The following CEP112 variants were observed in gnomAD, a reference collection of about 807,000 sequenced individuals.
CEP112 encodes the protein centrosomal protein 112.
In CEP112, 127 loss-of-function variants were observed where a neutral mutation model predicts 153.0. The observed-to-expected ratio is 0.83, with a 90% CI of 0.72 to 0.96. CEP112 has a LOEUF of 0.96. CEP112 is among the 40% of genes least tolerant of loss of function. The pLI is 0.00. For missense variants in CEP112, 1,089 were observed against 1,101.2 expected (o/e 0.99, Z 0.16); for synonymous variants, 358 against 374.4 (o/e 0.96, Z 0.51).
intron 24 of CEP112, among the ~76,000 whole-genome samples, chr17:65,658,753 G>C (rs569843690): frequency 6.6e-5 from 10 of 152,200 alleles, no homozygotes; most frequent in African/African-American, 2.4e-4. Context: ...AGGAGCCAAG[G>C]CTCATCTATA....
intron 21 of CEP112, among the ~76,000 whole-genome samples, chr17:65,771,161 G>T (rs1297148798): frequency 6.6e-6 from 1 of 151,946 alleles, no homozygotes; most frequent in Non-Finnish European, 1.5e-5. Flanking sequence ...TTTAAAAAAG[G>T]TTAAGATTAA....
At chr17:65,794,735 T>A (rs2054805071) in intron 21 of CEP112, among the ~76,000 whole-genome samples, 1 of 152,224 alleles carries the variant, frequency 6.6e-6, no homozygotes, top group Non-Finnish European at 1.5e-5. Flanking sequence ...CCTCCTCAAG[T>A]CTCCCTTTCC....
At chr17:65,953,658 G>T (rs565365786) in intron 18 of CEP112, among the ~76,000 whole-genome samples, 1 of 113,968 alleles carries the variant, frequency 8.8e-6, no homozygotes, top group East Asian at 9.6e-4. Flanking sequence ...GGCTGTGTGG[G>T]AGCAGGGTGA....
At chr17:65,920,359 C>CAAACAAACAAAAAA (rs1178505560) in intron 19 of CEP112, among the ~76,000 whole-genome samples, 10 of 29,826 alleles carry the variant, frequency 3.4e-4, no homozygotes, top group African/African-American at 1.2e-3. Flanking sequence ...AACAAACAAA[C>CAAACAAACAAAAAA]AAAATATATA....
At chr17:65,870,094 G>A (rs1011206310) in intron 20 of CEP112, among the ~76,000 whole-genome samples, 1 of 125,376 alleles carries the variant, frequency 8.0e-6, no homozygotes, top group South Asian at 2.5e-4. Flanking sequence ...AAGAAAGAAA[G>A]AGAAAATACA....
At chr17:65,986,929 C>T (rs2063431148) in intron 17 of CEP112, among the ~76,000 whole-genome samples, 1 of 152,038 alleles carries the variant, frequency 6.6e-6, no homozygotes, top group East Asian at 1.9e-4. Context: ...GAAAAGTGTA[C>T]AAACAGTGAG....
chr17:66,143,560 A>G (rs1394896896), intron 4 of CEP112, among the ~76,000 whole-genome samples: 3 of 152,250 alleles, frequency 2.0e-5, no homozygotes, highest in African/African-American at 7.2e-5. Flanking sequence ...AGTCTGTCTC[A>G]AAGAAATTCG....
intron 20 of CEP112, among the ~76,000 whole-genome samples, chr17:65,871,092 C>T (rs1199002084): frequency 6.6e-6 from 1 of 152,148 alleles, no homozygotes; most frequent in Non-Finnish European, 1.5e-5. Flanking sequence ...AATGGTAGGA[C>T]ATTACTAAAG....
intron 20 of CEP112, among the ~76,000 whole-genome samples, chr17:65,897,865 T>C (rs915008629): frequency 4.6e-5 from 7 of 152,088 alleles, no homozygotes; most frequent in African/African-American, 1.4e-4. Flanking sequence ...CAATGTCCTT[T>C]ATATTAAGTC....
intron 24 of CEP112, among the ~76,000 whole-genome samples, chr17:65,660,603 G>A (rs886823794): frequency 1.2e-4 from 18 of 150,234 alleles, no homozygotes; most frequent in Admixed American, 6.6e-4. Context: ...GGACAGCAGT[G>A]ATGCAACCAC....
chr17:65,707,040 T>C (rs2048953206), intron 23 of CEP112, among the ~76,000 whole-genome samples: 1 of 152,174 alleles, frequency 6.6e-6, no homozygotes, highest in Non-Finnish European at 1.5e-5. Context: ...GTGGATTCAA[T>C]CTCTTTTAAT....
intron 21 of CEP112, among the ~76,000 whole-genome samples, chr17:65,811,662 G>A (rs1045837790): frequency 2.0e-5 from 3 of 152,178 alleles, no homozygotes; most frequent in Non-Finnish European, 4.4e-5. Flanking sequence ...TGTTCTTCCT[G>A]TGCTAGTTTT....
intron 21 of CEP112, among the ~76,000 whole-genome samples, chr17:65,795,426 G>A (rs1215253280): frequency 6.6e-6 from 1 of 152,142 alleles, no homozygotes; most frequent in Non-Finnish European, 1.5e-5. Context: ...ACTTGTCAAA[G>A]AACAGTAAGC....
At chr17:65,748,071 C>A (rs2051584090) in intron 22 of CEP112, among the ~76,000 whole-genome samples, 2 of 152,114 alleles carry the variant, frequency 1.3e-5, no homozygotes, top group African/African-American at 4.8e-5. Context: ...GAGATCCAAT[C>A]CACAGTCTTG....
chr17:66,117,211 T>C (rs562438273), intron 6 of CEP112, among the ~76,000 whole-genome samples: 3 of 152,150 alleles, frequency 2.0e-5, no homozygotes, highest in African/African-American at 7.2e-5. Context: ...TTTTTTCAGT[T>C]CTTTCAAAAA....
chr17:65,715,551 T>C (rs1019172837), intron 23 of CEP112, among the ~76,000 whole-genome samples: 2 of 151,716 alleles, frequency 1.3e-5, no homozygotes, highest in African/African-American at 4.8e-5. Flanking sequence ...CCTGGGTTCA[T>C]GCCATTCTCC....
rs894076707 is a variant in CEP112 at position 65,998,456 on chromosome 17, T to G, written c.1736+7234A>C. 5.3e-5 allele frequency among the ~76,000 whole-genome samples: 8 copies of G among 150,986 alleles called. No homozygotes were observed. In the East Asian group the frequency reaches 1.5e-3, roughly 29 times the overall value. ...GTGATGGTTACAAAACACAGAACTC[T>G]GTGAATTTACTAAAAATCATATATT... On this transcript the variant is annotated intron_variant, in intron 17 of 26. Transcript: ENST00000535342.
chr17:65,762,680 T>C (rs1196541516), intron 21 of CEP112, among the ~76,000 whole-genome samples: 1 of 151,976 alleles, frequency 6.6e-6, no homozygotes, highest in Non-Finnish European at 1.5e-5. Context: ...TATCATCTCA[T>C]GGATAGTGGG....
rs148750054 is a variant in CEP112 at position 66,008,260 on chromosome 17, C to T, written c.1657-2491G>A. On this transcript the variant is annotated intron_variant, in intron 16 of 26. Transcript: ENST00000535342. ...CATATACTTATTTTTGTGATGAGAACATTTAAAGTTTGTTCTCTTAGCAAT... is the reference window on the plus strand; with the variant it reads ...CATATACTTATTTTTGTGATGAGAATATTTAAAGTTTGTTCTCTTAGCAAT... Among the ~76,000 whole-genome samples the T allele has an allele frequency of 4.0e-4, 61 of 152,156 alleles. 1 individual carries two copies. In the East Asian group the frequency reaches 0.011, roughly 28 times the overall value.
Sources: gnomAD v4.1 joint callset for allele counts (sites outside exome capture counted in the v4.1 genomes callset) on GRCh38, gnomAD v4.1.1 for gene constraint, MANE v1.5 for transcripts, NCBI Gene and HGNC (gene_info 2026-07-23, HGNC 2026-07-21) for gene names.